The following ARHGEF6 variants were observed in gnomAD, a reference collection of about 807,000 sequenced individuals.
The protein encoded by ARHGEF6 is Rac/Cdc42 guanine nucleotide exchange factor 6, also known as rho guanine nucleotide exchange factor 6.
In ARHGEF6, 9 loss-of-function variants were observed where a neutral mutation model predicts 70.3. That is an observed-to-expected ratio of 0.13 (90% CI 0.08 to 0.22). The LOEUF is 0.22. Ranked by LOEUF, ARHGEF6 falls within the 10% of genes least tolerant of loss-of-function variation. The probability of loss-of-function intolerance (pLI) is 1.00; values close to 1 mark genes in which losing one functional copy is unlikely to be tolerated. For synonymous variants in ARHGEF6, 201 were observed against 207.8 expected (o/e 0.97, Z 0.28); for missense variants, 470 against 563.0 (o/e 0.83, Z 1.67).
chrX:136,740,932 G>A (rs1250374433), intron 5 of ARHGEF6, among the ~76,000 whole-genome samples: 2 of 111,926 alleles, frequency 1.8e-5, no homozygotes, highest in African/African-American at 3.3e-5. Context: ...GGTAAAAATC[G>A]TCTGTGAATA....
intron 9 of ARHGEF6, among the ~76,000 whole-genome samples, chrX:136,696,956 T>G (rs1197617507): frequency 9.0e-6 from 1 of 111,116 alleles, no homozygotes; most frequent in Non-Finnish European, 1.9e-5. Context: ...AAATTCCTGG[T>G]AAGTGTGCCT....
chrX:136,724,810 T>C (rs927997274), intron 6 of ARHGEF6, among the ~76,000 whole-genome samples: 2 of 111,994 alleles, frequency 1.8e-5, no homozygotes, highest in African/African-American at 3.2e-5. Context: ...CTTAAAGCAC[T>C]GTTGTCTATA....
chrX:136,710,271 T>A (rs1338257490), intron 7 of ARHGEF6, among the ~76,000 whole-genome samples: 1 of 104,888 alleles, frequency 9.5e-6, no homozygotes, highest in African/African-American at 3.4e-5. Context: ...ACCACTGCAC[T>A]CCAGCCTGGG....
In ARHGEF6 at chrX:136,687,934, T is replaced by C. The variant is rs2076420911; in HGVS notation, c.1243A>G (p.Met415Val). ...TGTGATTTTAAAGCATCACCTACCA[T>C]GAGAGTTTTGAATGCTACGATTGCT... ...LKAIVAFKTL[M>V]GQCQDLRKRK... Residue 415 changes from methionine (M) to valine (V), a missense_variant and splice_region_variant, in exon 11 of 22, where the codon ATG (methionine) becomes GTG (valine). Met to Val is a conservative substitution (Grantham distance 21). Transcript: ENST00000250617. 2.5e-6 allele frequency: 3 copies of C among 1,199,895 alleles called. No homozygotes were observed. The highest frequency in any genetic ancestry group is 3.5e-5 in the African/African-American group (2 of 57,242).
intron 6 of ARHGEF6, among the ~76,000 whole-genome samples, chrX:136,726,183 G>T (rs940329173): frequency 9.0e-6 from 1 of 111,369 alleles, no homozygotes; most frequent in Non-Finnish European, 1.9e-5. Flanking sequence ...GAACAAAAAG[G>T]GCAATATATT....
chrX:136,698,083 C>T (rs1466217316), intron 9 of ARHGEF6, among the ~76,000 whole-genome samples: 1 of 111,631 alleles, frequency 9.0e-6, no homozygotes, highest in Non-Finnish European at 1.9e-5. Context: ...GAAGAAGAAC[C>T]AAATGAACAT....
intron 2 of ARHGEF6, among the ~76,000 whole-genome samples, chrX:136,760,731 C>T (rs1205304756): frequency 9.0e-6 from 1 of 111,440 alleles, no homozygotes; most frequent in Middle Eastern, 4.6e-3. Flanking sequence ...AGGTTTATTG[C>T]TTATTTCCTG....
intron 5 of ARHGEF6, among the ~76,000 whole-genome samples, chrX:136,737,110 A>G (rs2076993194): frequency 1.8e-5 from 2 of 112,116 alleles, no homozygotes; most frequent in South Asian, 7.5e-4. Flanking sequence ...GCAGACTGAG[A>G]TCACTAAAGA....
intron 6 of ARHGEF6, among the ~76,000 whole-genome samples, chrX:136,720,945 C>G (rs1569408348): frequency 9.0e-6 from 1 of 111,631 alleles, no homozygotes; most frequent in Non-Finnish European, 1.9e-5. Context: ...AAAATATGTA[C>G]AAGATCTATA....
intron 2 of ARHGEF6, among the ~76,000 whole-genome samples, chrX:136,777,761 T>TACACACACACACACACACACAC (rs376800070): frequency 1.2e-3 from 122 of 98,496 alleles, no homozygotes; most frequent in African/African-American, 4.0e-3. Context: ...TATGTATACA[T>TACACACACACACACACACACAC]ACACACACAC....
At chrX:136,706,141 T>C (rs1029687422) in intron 9 of ARHGEF6, among the ~76,000 whole-genome samples, 2 of 111,804 alleles carry the variant, frequency 1.8e-5, no homozygotes, top group Non-Finnish European at 3.8e-5. Flanking sequence ...CAGATGAATG[T>C]GTCAGTGAAT....
chrX:136,669,650 T>G, intron 20 of ARHGEF6, 114 bp from the exon 21 acceptor site: 2 of 617,117 alleles, frequency 3.2e-6, no homozygotes, highest in South Asian at 5.0e-5. Flanking sequence ...CAGTGGACTT[T>G]CTAGCTGATT....
At chrX:136,735,927 T>A (rs920886588) in intron 5 of ARHGEF6, among the ~76,000 whole-genome samples, 1 of 112,102 alleles carries the variant, frequency 8.9e-6, no homozygotes, top group Non-Finnish European at 1.9e-5. Flanking sequence ...TAATACAAAT[T>A]TAATTAACCA....
At chrX:136,669,699 C>T (rs2076202678) in intron 20 of ARHGEF6, among the ~76,000 whole-genome samples, 163 bp from the exon 21 acceptor site, 1 of 112,070 alleles carries the variant, frequency 8.9e-6, no homozygotes, top group South Asian at 3.7e-4. Context: ...ATCTTCTTGA[C>T]TTTGATGGAA....
chrX:136,684,821 CA>C (rs1389529695), intron 12 of ARHGEF6, among the ~76,000 whole-genome samples: 1 of 111,834 alleles, frequency 8.9e-6, no homozygotes, highest in South Asian at 3.8e-4. Context: ...CCAGTGTTAC[CA>C]CCGTCTTAGG....
At chrX:136,771,027 A>G (rs989011240) in intron 2 of ARHGEF6, among the ~76,000 whole-genome samples, 1 of 112,328 alleles carries the variant, frequency 8.9e-6, no homozygotes, top group African/African-American at 3.2e-5. Flanking sequence ...ATACACTTGC[A>G]GTGAACAATT....
At position 136,680,744 on chromosome X, in the gene ARHGEF6, C is replaced by T; in HGVS notation, c.1691G>A (p.Cys564Tyr). ...TGGACTACTTACAGAATGAGCACTA[C>T]ATGATGACGATGAGGTTTTGGATAA... ...SSLSKTSSSSCSAHSSFSSTG... is the reference protein window; with the variant it reads ...SSLSKTSSSSYSAHSSFSSTG... The change falls in exon 15 of 22, where the codon TGT (cysteine) becomes TAT (tyrosine). Residue 564 changes from cysteine to tyrosine, a missense_variant. This residue lies in a region of ARHGEF6 where 379 missense variants were observed against 449.3 expected (regional missense o/e 0.84). Transcript: ENST00000250617. The T allele has an allele frequency of 2.5e-6, 3 of 1,211,808 alleles. No individual in the cohort carries two copies. Among genetic ancestry groups the T allele is most frequent in the South Asian group, 3.5e-5 (2 of 56,985 alleles).
At chrX:136,705,137 T>C (rs2076613523) in intron 9 of ARHGEF6, among the ~76,000 whole-genome samples, 1 of 110,426 alleles carries the variant, frequency 9.1e-6, no homozygotes, top group African/African-American at 3.3e-5. Context: ...CTGGCCAACA[T>C]GGTGAAACCC....
chrX:136,672,167 A>G (rs1366905830), intron 19 of ARHGEF6, 48 bp from the exon 20 acceptor site: 1 of 959,536 alleles, frequency 1.0e-6, no homozygotes, highest in Non-Finnish European at 1.5e-6. Flanking sequence ...GTTACTAGTG[A>G]AGAGTAGAAA....
Sources: gnomAD v4.1 joint callset for allele counts (sites outside exome capture counted in the v4.1 genomes callset) on GRCh38, gnomAD v4.1.1 for gene constraint, gnomAD v4.1.1 regional missense constraint, MANE v1.5 for transcripts, NCBI Gene and HGNC (gene_info 2026-07-23, HGNC 2026-07-21) for gene names.